PPP1R21: variants seen among roughly 807,000 people sequenced by gnomAD.
PPP1R21 encodes the protein protein phosphatase 1 regulatory subunit 21.
In PPP1R21, 85 loss-of-function variants were observed where a neutral mutation model predicts 112.8. The ratio of observed to expected loss-of-function variants is 0.75; its 90% CI spans 0.63 to 0.90. PPP1R21 has a LOEUF of 0.90. Ranked by LOEUF, PPP1R21 falls within the 40% of genes least tolerant of loss-of-function variation. The pLI, the probability that PPP1R21 is intolerant of heterozygous loss-of-function variation, is 0.00. For missense variants in PPP1R21, 1,199 were observed against 901.5 expected (o/e 1.33, Z -4.23); for synonymous variants, 381 against 322.3 (o/e 1.18, Z -1.95).
chr2:48,479,174 C>A (rs1016621210), intron 12 of PPP1R21, among the ~76,000 whole-genome samples: 1 of 152,180 alleles, frequency 6.6e-6, no homozygotes, highest in Non-Finnish European at 1.5e-5. Context: ...GGGGAACGTT[C>A]CCCGCCTCTG....
At chr2:48,454,484 C>T in intron 2 of PPP1R21, 111 bp from the exon 3 acceptor site, 6 of 1,357,694 alleles carry the variant, frequency 4.4e-6, no homozygotes, top group Non-Finnish European at 6.1e-6. Context: ...CCTGAATTTC[C>T]TAAAGCAAGA....
At chr2:48,448,015 AT>A (rs1667322982) in intron 1 of PPP1R21, among the ~76,000 whole-genome samples, 1 of 152,104 alleles carries the variant, frequency 6.6e-6, no homozygotes, top group African/African-American at 2.4e-5. Context: ...GCAGCTCAGG[AT>A]TTTATAAGCT....
At chr2:48,458,254 A>G (rs1034655788) in intron 4 of PPP1R21, 27 bp downstream of exon 4, 2 of 1,476,050 alleles carry the variant, frequency 1.4e-6, no homozygotes, top group African/African-American at 1.4e-5. Context: ...TTCTATGTGA[A>G]TTAAAAAATG....
At chr2:48,484,513 ACT>A (rs770878685) in intron 13 of PPP1R21, among the ~76,000 whole-genome samples, 17 of 114,592 alleles carry the variant, frequency 1.5e-4, no homozygotes. Context: ...TAAAGAATAA[ACT>A]TTTTTTTTTT....
intron 13 of PPP1R21, among the ~76,000 whole-genome samples, chr2:48,480,347 C>T (rs1232635601): frequency 3.3e-5 from 5 of 152,220 alleles, no homozygotes; most frequent in Admixed American, 2.6e-4. Context: ...ATACGTTGCG[C>T]TTCTTAGAGC....
chr2:48,467,166 TG>T (rs548681784), intron 9 of PPP1R21, among the ~76,000 whole-genome samples: 1 of 152,090 alleles, frequency 6.6e-6, no homozygotes, highest in Non-Finnish European at 1.5e-5. Flanking sequence ...CAGTTGAGCT[TG>T]GGGGGCATTT....
chr2:48,502,200 C>G (rs1468906004), intron 17 of PPP1R21, among the ~76,000 whole-genome samples: 1 of 152,104 alleles, frequency 6.6e-6, no homozygotes, highest in African/African-American at 2.4e-5. Flanking sequence ...TGATAATGAC[C>G]TTAGTTGGGT....
At chr2:48,504,072 A>G (rs2103654566) in intron 17 of PPP1R21, among the ~76,000 whole-genome samples, 1 of 152,268 alleles carries the variant, frequency 6.6e-6, no homozygotes, top group South Asian at 2.1e-4. Flanking sequence ...AGCAGGTGGA[A>G]TAGATGTTTC....
At chr2:48,482,397 A>G (rs961635002) in intron 13 of PPP1R21, among the ~76,000 whole-genome samples, 10 of 152,126 alleles carry the variant, frequency 6.6e-5, no homozygotes, top group South Asian at 2.1e-4. Context: ...TAGTACTGCA[A>G]CCTCCCAGAC....
chr2:48,455,152 T>A (rs1297790016), intron 3 of PPP1R21, among the ~76,000 whole-genome samples: 1 of 150,006 alleles, frequency 6.7e-6, no homozygotes, highest in African/African-American at 2.5e-5. Flanking sequence ...ATTTTTTTTT[T>A]TTTTTTTTTT....
chr2:48,441,203 T>G, intron 1 of PPP1R21, 193 bp downstream of exon 1: 1 of 612,360 alleles, frequency 1.6e-6, no homozygotes, highest in Non-Finnish European at 2.9e-6. Context: ...GGGCGGTGTC[T>G]GCGTCCGTGA....
chr2:48,447,780 C>G (rs1459638465), intron 1 of PPP1R21, among the ~76,000 whole-genome samples: 1 of 151,972 alleles, frequency 6.6e-6, no homozygotes, highest in East Asian at 1.9e-4. Flanking sequence ...GAAGCCCTGT[C>G]TCTACTAAAA....
At chr2:48,506,017 G>A (rs1330912631) in intron 18 of PPP1R21, among the ~76,000 whole-genome samples, 1 of 152,198 alleles carries the variant, frequency 6.6e-6, no homozygotes, top group East Asian at 1.9e-4. Context: ...TGCCCACAAA[G>A]CAAGTGAACC....
In PPP1R21 at chr2:48,474,790, A is replaced by G; in HGVS notation, c.1196A>G (p.Gln399Arg). 6.2e-7 allele frequency: 1 copy of G among 1,613,758 alleles called. No individual in the cohort carries two copies. Residue 399 changes from glutamine to arginine, a missense_variant, in exon 12 of 22, where the codon CAG becomes CGG. Coordinates refer to ENST00000294952, the MANE Select transcript of PPP1R21 (RefSeq NM_001135629.3). ...KKMTAVFEKL[Q>R]TYIALLALPS... ...ATGACAGCTGTGTTTGAGAAGCTGC[A>G]GACTTACATAGCTCTTCTTGCCTTG...
intron 13 of PPP1R21, among the ~76,000 whole-genome samples, chr2:48,483,825 G>A: frequency 6.6e-6 from 1 of 152,040 alleles, no homozygotes; most frequent in East Asian, 1.9e-4. Context: ...TGTCAATTTA[G>A]TGTATTACTC....
intron 9 of PPP1R21, among the ~76,000 whole-genome samples, chr2:48,469,335 CATATATATATATAGCATAT>C (rs1558456424): frequency 6.9e-5 from 1 of 14,476 alleles, no homozygotes; most frequent in African/African-American, 5.2e-4. Context: ...ATATATAGAG[CATATATATATATAGCATAT>C]ATATATAGAG....
intron 17 of PPP1R21, among the ~76,000 whole-genome samples, chr2:48,500,072 A>G (rs557349261): frequency 6.6e-6 from 1 of 152,206 alleles, no homozygotes; most frequent in Non-Finnish European, 1.5e-5. Context: ...AGAGCAAGTC[A>G]TGGTTCTTCC....
At chr2:48,461,741 G>A (rs1423893236) in intron 7 of PPP1R21, among the ~76,000 whole-genome samples, 1 of 152,152 alleles carries the variant, frequency 6.6e-6, no homozygotes, top group Non-Finnish European at 1.5e-5. Context: ...TACTTTACAT[G>A]TGTAATAGGT....
intron 2 of PPP1R21, among the ~76,000 whole-genome samples, chr2:48,451,892 C>T (rs1392404735): frequency 6.6e-6 from 1 of 152,036 alleles, no homozygotes; most frequent in East Asian, 1.9e-4. Flanking sequence ...GCAACTAAGC[C>T]CCAGAAATTG....
Sources: allele counts gnomAD v4.1 joint callset (sites outside exome capture counted in the v4.1 genomes callset), GRCh38; gene constraint gnomAD v4.1.1; transcripts MANE v1.5; gene names NCBI Gene and HGNC (gene_info 2026-07-23, HGNC 2026-07-21).